Variants in TNFRSF19 observed in about 807,000 individuals in gnomAD.
The protein encoded by TNFRSF19 is TNF receptor superfamily member 19.
Under a neutral mutation model 46.4 loss-of-function variants are expected in TNFRSF19, and 27 were observed. The observed-to-expected ratio is 0.58, with a 90% CI of 0.43 to 0.80. The LOEUF (loss-of-function observed/expected upper bound fraction) is 0.80. Among genes scored for constraint, TNFRSF19 ranks in the 30% least tolerant of loss-of-function variants. TNFRSF19 has a pLI of 0.00. For missense variants in TNFRSF19, 511 were observed against 530.8 expected (o/e 0.96, Z 0.37); for synonymous variants, 204 against 205.0 (o/e 1.00, Z 0.04).
chr13:23,657,621 G>A (rs1884065414), intron 5 of TNFRSF19, among the ~76,000 whole-genome samples: 1 of 152,192 alleles, frequency 6.6e-6, no homozygotes, highest in Non-Finnish European at 1.5e-5. Context: ...AATACATATT[G>A]AAATGCAATA....
intron 5 of TNFRSF19, among the ~76,000 whole-genome samples, chr13:23,657,883 A>G (rs1402454132): frequency 6.6e-6 from 1 of 152,110 alleles, no homozygotes; most frequent in Non-Finnish European, 1.5e-5. Context: ...TGGTTCCTAG[A>G]CAACCTGAAA....
chr13:23,585,812 A>T (rs533312314), intron 1 of TNFRSF19, among the ~76,000 whole-genome samples: 1 of 152,322 alleles, frequency 6.6e-6, no homozygotes, highest in East Asian at 1.9e-4. Context: ...AGACTAGTGC[A>T]CTAAAGATAT....
chr13:23,631,804 G>A (rs568602628), intron 5 of TNFRSF19, among the ~76,000 whole-genome samples: 2 of 152,304 alleles, frequency 1.3e-5, no homozygotes, highest in Admixed American at 6.5e-5. Context: ...TGAATTCCAA[G>A]TTGACTTCAG....
intron 4 of TNFRSF19, among the ~76,000 whole-genome samples, chr13:23,621,339 G>T (rs1566190978): frequency 6.6e-6 from 1 of 152,132 alleles, no homozygotes; most frequent in Non-Finnish European, 1.5e-5. Context: ...TTCAGATAAG[G>T]GGCTATTGCT....
intron 9 of TNFRSF19, chr13:23,669,516 A>G: frequency 1.0e-6 from 1 of 985,208 alleles, no homozygotes; most frequent in Non-Finnish European, 1.2e-6. Context: ...AGTTTATGTG[A>G]ATTTTGGTCT....
chr13:23,592,996 T>A lies in TNFRSF19; in HGVS notation c.70-349T>A, dbSNP rs556800046. On this transcript the variant is annotated intron_variant, in intron 2 of 9. Transcript: ENST00000248484. Reference sequence around the variant, plus strand: ...AAGAAAGTCATAACTGTTTTTTTTTTAAATATCTTCTTACTTAGAGAAGAG... The same window carrying A: ...AAGAAAGTCATAACTGTTTTTTTTTAAAATATCTTCTTACTTAGAGAAGAG... Among the ~76,000 whole-genome samples the A allele has an allele frequency of 1.5e-3, 224 of 149,698 alleles. 1 individual carries two copies. The highest frequency in any genetic ancestry group is 0.011 in the South Asian group (50 of 4,716).
rs570972397 is a variant in TNFRSF19, at chr13:23,576,184, A to G, written c.-35+5336A>G. On this transcript the variant is annotated intron_variant, in intron 1 of 9. Transcript: ENST00000248484. ...AGTCTTGCTCTGTCCCCCAGGCTGG[A>G]GTGCAGTGGCGTGATTTTGGCTCAC... 4.0e-5 allele frequency among the ~76,000 whole-genome samples: 6 copies of G among 149,644 alleles called. 1 individual carries two copies. The South Asian group carries it at 1.1e-3, about 26-fold the overall frequency.
chr13:23,646,092 T>A (rs1420666711), intron 5 of TNFRSF19, among the ~76,000 whole-genome samples: 3 of 152,124 alleles, frequency 2.0e-5, no homozygotes, highest in Admixed American at 6.5e-5. Flanking sequence ...TCCATGACTG[T>A]AATCTTAACC....
chr13:23,625,461 T>A (rs1881938992), intron 4 of TNFRSF19, among the ~76,000 whole-genome samples: 1 of 151,782 alleles, frequency 6.6e-6, no homozygotes, highest in Non-Finnish European at 1.5e-5. Context: ...CCCTAGTAGC[T>A]GGGACTACAG....
At chr13:23,607,555 A>C (rs1055409373) in intron 3 of TNFRSF19, among the ~76,000 whole-genome samples, 1 of 152,230 alleles carries the variant, frequency 6.6e-6, no homozygotes, top group Non-Finnish European at 1.5e-5. Context: ...TTTTGAAAGC[A>C]GAGTAAACAT....
rs1565955143 is a variant in TNFRSF19, at chr13:23,667,368, T to C, written c.737-612T>C. Among the ~76,000 whole-genome samples the C allele has an allele frequency of 4.6e-5, 7 of 152,152 alleles. No homozygotes were observed. In the South Asian group the frequency reaches 1.2e-3, roughly 27 times the overall value. On this transcript the variant is annotated intron_variant, in intron 7 of 9. Transcript: ENST00000248484. ...CTACTTATTCCTTAAGTGACATTCC[T>C]AGCAATAAAAAGAAATGGTGTGTCT...
At chr13:23,644,646 A>G (rs1656416448) in intron 5 of TNFRSF19, among the ~76,000 whole-genome samples, 1 of 152,232 alleles carries the variant, frequency 6.6e-6, no homozygotes, top group Admixed American at 6.5e-5. Flanking sequence ...GATATCAGGC[A>G]CTAGCTTGGA....
chr13:23,666,430 T>C (rs1392722567), intron 7 of TNFRSF19, among the ~76,000 whole-genome samples: 1 of 152,228 alleles, frequency 6.6e-6, no homozygotes, highest in African/African-American at 2.4e-5. Flanking sequence ...TATGTATTTA[T>C]ATACCTTAGT....
At chr13:23,629,193 C>T (rs1009168449) in intron 5 of TNFRSF19, among the ~76,000 whole-genome samples, 5 of 151,884 alleles carry the variant, frequency 3.3e-5, no homozygotes, top group Admixed American at 3.3e-4. Flanking sequence ...AAGAAAGTGA[C>T]ACCTCTCAAG....
rs151135242 is a variant in TNFRSF19 at position 23,671,350 on chromosome 13, G to A, written c.1246-2022G>A. On this transcript the variant is annotated intron_variant, in intron 9 of 9. Transcript: ENST00000248484. ...AAGGTTTTTACTAACTTTTCAAGAT[G>A]TGTAGCCCTATAATTGTTAGATTAA... is the stretch of plus-strand genomic sequence containing the variant. Among the ~76,000 whole-genome samples the A allele has an allele frequency of 5.0e-3, 767 of 152,254 alleles. 9 individuals carry two copies. Among genetic ancestry groups the A allele is most frequent in the African/African-American group, 0.018 (730 of 41,544 alleles).
intron 5 of TNFRSF19, among the ~76,000 whole-genome samples, chr13:23,644,540 C>T (rs1055379450): frequency 6.6e-6 from 1 of 152,182 alleles, no homozygotes; most frequent in Admixed American, 6.5e-5. Flanking sequence ...TCAATTAAAC[C>T]TCTTTCCTTT....
chr13:23,660,964 T>C (rs968251470), intron 7 of TNFRSF19, among the ~76,000 whole-genome samples: 3 of 152,208 alleles, frequency 2.0e-5, no homozygotes, highest in Admixed American at 1.3e-4. Context: ...CCTTGGACTA[T>C]TGACAGATTG....
chr13:23,673,652 T>A lies in TNFRSF19; in HGVS notation c.*272T>A. ...ATGAGAAGCTTCTCTGCCACAAAAG[T>A]GACTTCAAAGACGGATGGGTTGAGC... is the stretch of plus-strand genomic sequence containing the variant. On this transcript the variant is annotated 3_prime_UTR_variant, in exon 10 of 10. Coordinates refer to ENST00000248484, the MANE Select transcript of TNFRSF19 (RefSeq NM_148957.4). 2 of 996,598 alleles carry A rather than the reference T, an allele frequency of 2.0e-6. No homozygotes were observed. The highest frequency in any genetic ancestry group is 2.6e-6 in the Non-Finnish European group (2 of 780,146). 61.7% of individuals were successfully genotyped at this position (996,598 alleles called of 1,614,324 possible).
intron 9 of TNFRSF19, chr13:23,669,528 C>T: frequency 1.0e-6 from 1 of 985,300 alleles, no homozygotes; most frequent in African/African-American, 1.7e-5. Context: ...TTTTGGTCTC[C>T]TAAAGCTGCT....
Sources: gnomAD v4.1 joint callset for allele counts (sites outside exome capture counted in the v4.1 genomes callset) on GRCh38, gnomAD v4.1.1 for gene constraint, MANE v1.5 for transcripts, NCBI Gene and HGNC (gene_info 2026-07-23, HGNC 2026-07-21) for gene names.